TEAD2: variants seen among roughly 807,000 people sequenced by gnomAD.
The protein encoded by TEAD2 is transcriptional enhancer factor TEF-4.
A neutral mutation model predicts 61.4 loss-of-function variants in TEAD2; 51 were observed. The observed-to-expected ratio is 0.83, with a 90% CI of 0.66 to 1.05. The LOEUF is 1.05. TEAD2 is among the 50% of genes least tolerant of loss of function. TEAD2 has a pLI of 0.00. For synonymous variants in TEAD2, 244 were observed against 243.2 expected, an observed-to-expected ratio of 1.00 and a Z score of -0.03; for missense variants, 509 against 600.0, an observed-to-expected ratio of 0.85 and a Z score of 1.58.
In TEAD2 at chr19:49,355,874, T is replaced by C. The variant is rs535122918; in HGVS notation, c.372+85A>G. The C allele has an allele frequency of 1.7e-5, 21 of 1,213,758 alleles. No individual in the cohort carries two copies. In the African/African-American group the frequency reaches 2.8e-4, roughly 16 times the overall value. The allele number at this position is 1,213,758 out of a possible 1,614,324, so 75.2% of individuals were successfully genotyped here. A position where few individuals can be genotyped will look rare whatever the true frequency, so the allele number is the denominator to read the frequency against. ...GCTTGGGTTGGGGGAGGGTTGAACC[T>C]CTCCCCACAGCCCTCTGCCCCTCCT... On this transcript the variant is annotated intron_variant, in intron 5 of 12. Coordinates refer to ENST00000593945, the MANE Select transcript of TEAD2 (RefSeq NM_001256660.2).
intron 3 of TEAD2, chr19:49,357,676 GA>G (rs1409748804): frequency 3.1e-6 from 1 of 323,236 alleles, no homozygotes; most frequent in East Asian, 6.1e-5. Flanking sequence ...ATTTCATATT[GA>G]AATGCCATCT....
At chr19:49,342,140 C>T (rs1971319226) in intron 12 of TEAD2, among the ~76,000 whole-genome samples, 4 of 151,894 alleles carry the variant, frequency 2.6e-5, no homozygotes, top group South Asian at 2.1e-4. Context: ...TGCAGTGAGC[C>T]GAGATCTTGC....
rs1204175805 is a variant in TEAD2 at position 49,343,359 on chromosome 19, C to T, written c.961G>A (p.Ala321Thr). ...NWGPSGEEAG[A>T]GGSISSGGFY... ...CCACCACTGCTGATGCTGCCACCGG[C>T]CCCTGCCTCCTCACCACTTGGGCCC... The change falls in exon 11 of 13, where the codon GCC becomes ACC. Residue 321 changes from alanine to threonine, a missense_variant. By Grantham distance (58) the Ala-to-Thr change is moderately conservative (BLOSUM62 0). Transcript: ENST00000593945. 3.7e-6 allele frequency: 6 copies of T among 1,612,654 alleles called. No homozygotes were observed. Among genetic ancestry groups the T allele is most frequent in the Middle Eastern group, 1.6e-4 (1 of 6,076 alleles).
At chr19:49,358,266 T>C (rs1471994007) in intron 3 of TEAD2, among the ~76,000 whole-genome samples, 1 of 151,572 alleles carries the variant, frequency 6.6e-6, no homozygotes, top group Non-Finnish European at 1.5e-5. Context: ...AAAATAAAAA[T>C]TTGCCAGATG....
chr19:49,350,976 C>T (rs1332396752), intron 8 of TEAD2, among the ~76,000 whole-genome samples: 2 of 151,888 alleles, frequency 1.3e-5, no homozygotes, highest in African/African-American at 2.4e-5. Flanking sequence ...ATCAAAAGAT[C>T]GAGACCATCC....
chr19:49,358,636 CT>C (rs113776627), intron 3 of TEAD2, among the ~76,000 whole-genome samples: 2,030 of 140,910 alleles, frequency 0.014, 34 homozygotes, highest in African/African-American at 0.042. Flanking sequence ...TTCTTTCTTT[CT>C]TTTTTTTTTT....
In TEAD2 at chr19:49,359,894, G is replaced by A. The variant is rs926634633; in HGVS notation, c.182C>T (p.Pro61Leu). Residue 61 changes from proline to leucine, a missense_variant, in exon 2 of 13, where the codon CCA becomes CTA. Pro to Leu is a moderately conservative substitution (Grantham distance 98). Transcript: ENST00000593945. The surrounding 1 kb of genome is among the most constrained non-coding windows in gnomAD (Gnocchi z 4.1). ...AATTATTTTCCGGCGGCCGCAGGGT[G>A]GATAGATGGCCAGGGCCTCCTGGAA... ...QSFQEALAIY[P>L]PCGRRKIILS... 1 of 1,613,710 alleles carries A rather than the reference G, an allele frequency of 6.2e-7. No individual in the cohort carries two copies. Among genetic ancestry groups the A allele is most frequent in the African/African-American group, 1.3e-5 (1 of 75,054 alleles).
intron 1 of TEAD2, 51 bp from the exon 2 acceptor site, chr19:49,360,132 G>A (rs1689261405): frequency 6.9e-6 from 10 of 1,457,410 alleles, no homozygotes; most frequent in Non-Finnish European, 8.4e-6. Context: ...ACCCTCAAGG[G>A]ACTTGAAGCT....
At chr19:49,345,191 AC>A (rs1971552544) in intron 10 of TEAD2, among the ~76,000 whole-genome samples, 1 of 152,170 alleles carries the variant, frequency 6.6e-6, no homozygotes, top group African/African-American at 2.4e-5. Flanking sequence ...CTTCTGCTTC[AC>A]ATGGCAGAAA....
In TEAD2 at chr19:49,359,817, CA is replaced by C. The variant is rs777558369; in HGVS notation, c.232+26del. On this transcript the variant is annotated intron_variant, in intron 2 of 12. Transcript: ENST00000593945. This position sits in a 1 kb window ranked among gnomAD's most constrained non-coding sequence, Gnocchi z 4.1. ...ACTGTCATTATTCATCAGTGGGGGCCAGGGCAAAAGACAGAAGTAGACTCAC... is the reference window on the plus strand; with the variant it reads ...ACTGTCATTATTCATCAGTGGGGGCCGGGCAAAAGACAGAAGTAGACTCAC... 1.2e-6 allele frequency: 2 copies of C among 1,606,638 alleles called. No individual in the cohort carries two copies. Among genetic ancestry groups the C allele is most frequent in the South Asian group, 2.2e-5 (2 of 90,754 alleles).
Position 49,359,586 on chromosome 19 carries a change from T to C in TEAD2, c.233-87A>G, listed in dbSNP as rs2146644597. 1.3e-6 allele frequency: 2 copies of C among 1,490,936 alleles called. No individual in the cohort carries two copies. The highest frequency in any genetic ancestry group is 1.7e-5 in the Admixed American group (1 of 59,268). The allele number at this position is 1,490,936 out of a possible 1,614,324, so 92.4% of individuals were successfully genotyped here. A position where few individuals can be genotyped will look rare whatever the true frequency, so the allele number is the denominator to read the frequency against. Reference sequence around the variant, plus strand: ...GACACCAGGGAAGAAGAAAGCAGCATGGGTCCCCAAAGGTCTGCAGCAAGT... The same window carrying C: ...GACACCAGGGAAGAAGAAAGCAGCACGGGTCCCCAAAGGTCTGCAGCAAGT... On this transcript the variant is annotated intron_variant, in intron 2 of 12. Transcript: ENST00000593945. This position sits in a 1 kb window ranked among gnomAD's most constrained non-coding sequence, Gnocchi z 4.1.
intron 7 of TEAD2, among the ~76,000 whole-genome samples, chr19:49,351,911 G>C (rs775675521): frequency 6.6e-6 from 1 of 151,944 alleles, no homozygotes; most frequent in African/African-American, 2.4e-5. Context: ...GCTTGAACCC[G>C]GGAGGCAGAT....
At chr19:49,354,519 A>G (rs948785004) in intron 7 of TEAD2, among the ~76,000 whole-genome samples, 1 of 151,958 alleles carries the variant, frequency 6.6e-6, no homozygotes, top group Non-Finnish European at 1.5e-5. Context: ...AGAAAAAAAA[A>G]AAAAAGCACT....
At position 49,343,410 on chromosome 19, in the gene TEAD2, G is replaced by A; in HGVS notation, c.922-12C>T. ...CAGTTCAGGTCCGCCTGGGAGATGGGAAGGCACAGATGAGTCAGAGGGGAC... is the reference window on the plus strand; with the variant it reads ...CAGTTCAGGTCCGCCTGGGAGATGGAAAGGCACAGATGAGTCAGAGGGGAC... On this transcript the variant is annotated splice_polypyrimidine_tract_variant and intron_variant, in intron 10 of 12. Coordinates refer to ENST00000593945, the MANE Select transcript of TEAD2 (RefSeq NM_001256660.2). 1 of 1,597,512 alleles carries A rather than the reference G, an allele frequency of 6.3e-7. No individual in the cohort carries two copies. The highest frequency in any genetic ancestry group is 8.5e-7 in the Non-Finnish European group (1 of 1,174,244).
chr19:49,356,002 G>A (rs1254962878), intron 4 of TEAD2, 32 bp from the exon 5 acceptor site: 9 of 1,254,092 alleles, frequency 7.2e-6, no homozygotes, highest in African/African-American at 1.5e-5. Context: ...GGTGCCAAAG[G>A]AGGAAAGAAA....
intron 10 of TEAD2, among the ~76,000 whole-genome samples, chr19:49,345,087 G>A (rs191968871): frequency 6.6e-6 from 1 of 152,204 alleles, no homozygotes; most frequent in East Asian, 1.9e-4. Flanking sequence ...GCTTCCTAAG[G>A]GGGTGGCTCT....
intron 7 of TEAD2, among the ~76,000 whole-genome samples, chr19:49,353,244 G>A (rs904051264): frequency 7.9e-5 from 12 of 151,948 alleles, no homozygotes; most frequent in Non-Finnish European, 1.3e-4. Context: ...GATTACAGGC[G>A]CACATCACCA....
At chr19:49,342,654 T>C in intron 11 of TEAD2, 64 bp from the exon 12 acceptor site, 1 of 1,582,978 alleles carries the variant, frequency 6.3e-7, no homozygotes, top group South Asian at 1.1e-5. Flanking sequence ...ACCCCAGGAA[T>C]TGAGCTCCAC....
chr19:49,349,462 C>CAA (rs754141778), intron 8 of TEAD2, among the ~76,000 whole-genome samples: 3 of 97,480 alleles, frequency 3.1e-5, no homozygotes, highest in Admixed American at 1.1e-4. Context: ...GACTCTGTCT[C>CAA]AAAAAAAAAA....
Sources: gnomAD v4.1 joint callset for allele counts (sites outside exome capture counted in the v4.1 genomes callset) on GRCh38, gnomAD v4.1.1 for gene constraint, Gnocchi (gnomAD v3.1) non-coding constraint, MANE v1.5 for transcripts, NCBI Gene and HGNC (gene_info 2026-07-23, HGNC 2026-07-21) for gene names.